MAGI2: variants seen among roughly 807,000 people sequenced by gnomAD.
MAGI2 encodes membrane associated guanylate kinase, WW and PDZ domain containing 2, also known as membrane-associated guanylate kinase, WW and PDZ domain-containing protein 2.
In MAGI2, 35 loss-of-function variants were observed where a neutral mutation model predicts 133.3. That is an observed-to-expected ratio of 0.26 (90% CI 0.20 to 0.35). The LOEUF (loss-of-function observed/expected upper bound fraction) is 0.35. Ranked by LOEUF, MAGI2 falls within the 10% of genes least tolerant of loss-of-function variation. The probability of loss-of-function intolerance (pLI) is 1.00; values close to 1 mark genes in which losing one functional copy is unlikely to be tolerated. For synonymous variants in MAGI2, 729 were observed against 710.6 expected (o/e 1.03, Z -0.41); for missense variants, 1,636 against 1,863.4 (o/e 0.88, Z 2.25).
Position 78,160,242 on chromosome 7 carries a change from T to C in MAGI2, c.2628A>G (p.Pro876=). Residue 876 remains proline (P), a synonymous_variant, in exon 16 of 22, where the codon CCA becomes CCG. Coordinates refer to ENST00000354212, the MANE Select transcript of MAGI2 (RefSeq NM_012301.4). ...GEPCPENGRS[P]GSVSTHHSSP... The stretch of plus-strand genomic sequence containing the variant: ...AGCTGTGGTGGGTGGATACAGAGCC[T>C]GGACTTCTCCCGTTCTCTGGGCAGG... The C allele has an allele frequency of 6.2e-7, 1 of 1,604,446 alleles. No homozygotes were observed. The highest frequency in any genetic ancestry group is 1.1e-5 in the South Asian group (1 of 88,706).
intron 2 of MAGI2, among the ~76,000 whole-genome samples, chr7:78,772,467 A>C (rs11974493): frequency 0.4 from 61,395 of 152,006 alleles, 12,821 homozygotes; most frequent in Non-Finnish European, 0.47. Flanking sequence ...ATAGAGGAAG[A>C]GCTGACATAG....
chr7:79,207,722 A>T (rs1223789557), intron 1 of MAGI2, among the ~76,000 whole-genome samples: 1 of 151,956 alleles, frequency 6.6e-6, no homozygotes, highest in Non-Finnish European at 1.5e-5. Context: ...AAAAGACTCC[A>T]AATAGCCAAA....
At chr7:78,317,224 G>T (rs1356862482) in intron 9 of MAGI2, among the ~76,000 whole-genome samples, 2 of 152,174 alleles carry the variant, frequency 1.3e-5, no homozygotes, top group Non-Finnish European at 2.9e-5. Context: ...TATTGAGTGA[G>T]AATTCATTTG....
intron 2 of MAGI2, among the ~76,000 whole-genome samples, chr7:78,853,023 G>C (rs778948590): frequency 8.5e-5 from 13 of 152,068 alleles, no homozygotes; most frequent in Admixed American, 3.9e-4. Flanking sequence ...ACATATTAGT[G>C]TCTGGGAATT....
chr7:78,933,323 AAC>A (rs1280018334), intron 2 of MAGI2, among the ~76,000 whole-genome samples: 2 of 152,160 alleles, frequency 1.3e-5, no homozygotes, highest in Non-Finnish European at 2.9e-5. Flanking sequence ...TAAATATAAA[AAC>A]AGTTTCTTTA....
At chr7:78,074,610 C>A (rs996573661) in intron 21 of MAGI2, among the ~76,000 whole-genome samples, 9 of 152,184 alleles carry the variant, frequency 5.9e-5, no homozygotes, top group Non-Finnish European at 1.0e-4. Context: ...TTTCCATTAG[C>A]ACTTTCTTTT....
intron 6 of MAGI2, among the ~76,000 whole-genome samples, chr7:78,461,909 T>C (rs1405434509): frequency 1.4e-4 from 3 of 21,138 alleles, no homozygotes; most frequent in African/African-American, 3.9e-4. Flanking sequence ...AAAGCAAAAT[T>C]CCGTCTCAAA....
chr7:78,099,342 A>C (rs1817997119), intron 20 of MAGI2, among the ~76,000 whole-genome samples: 1 of 152,164 alleles, frequency 6.6e-6, no homozygotes. Flanking sequence ...CTGAGTTATA[A>C]ATGATTAACT....
intron 1 of MAGI2, among the ~76,000 whole-genome samples, chr7:79,447,279 A>C (rs754190180): frequency 3.3e-5 from 5 of 152,142 alleles, no homozygotes; most frequent in Non-Finnish European, 7.4e-5. Flanking sequence ...TATATTACTA[A>C]GTTTTCTATA....
intron 7 of MAGI2, among the ~76,000 whole-genome samples, chr7:78,348,580 A>C (rs1791166649): frequency 6.6e-6 from 1 of 152,128 alleles, no homozygotes; most frequent in African/African-American, 2.4e-5. Context: ...GGTTCTCAGA[A>C]AACTTTGAAC....
At position 78,620,923 on chromosome 7, in the gene MAGI2, T is replaced by C. The variant is rs17151177; in HGVS notation, c.538+6197A>G. Among the ~76,000 whole-genome samples, 1,208 of 152,102 alleles carry C rather than the reference T, an allele frequency of 7.9e-3. 17 individuals are homozygous for C. Among genetic ancestry groups the C allele is most frequent in the African/African-American group, 0.027 (1,132 of 41,532 alleles). On this transcript the variant is annotated intron_variant, in intron 3 of 21. Coordinates refer to ENST00000354212, the MANE Select transcript of MAGI2 (RefSeq NM_012301.4). Reference sequence around the variant, plus strand: ...GGATTATCTCAGTAGGTGAATTAAATGAAATCAATCCAAGCACAGATCAGG... The same window carrying C: ...GGATTATCTCAGTAGGTGAATTAAACGAAATCAATCCAAGCACAGATCAGG...
At chr7:79,448,162 T>C (rs1194250270) in intron 1 of MAGI2, among the ~76,000 whole-genome samples, 1 of 151,930 alleles carries the variant, frequency 6.6e-6, no homozygotes, top group Non-Finnish European at 1.5e-5. Flanking sequence ...ATAAAATAAA[T>C]ATAAAATAGC....
chr7:79,369,211 A>G (rs1585732615), intron 1 of MAGI2, among the ~76,000 whole-genome samples: 1 of 152,158 alleles, frequency 6.6e-6, no homozygotes, highest in Non-Finnish European at 1.5e-5. Context: ...ACTTCTTATG[A>G]GGTCCCAGTG....
intron 2 of MAGI2, among the ~76,000 whole-genome samples, chr7:78,635,022 ATTAATTTC>A (rs1809477828): frequency 6.6e-6 from 1 of 152,230 alleles, no homozygotes; most frequent in Admixed American, 6.5e-5. Context: ...TCTTTTAGTA[ATTAATTTC>A]TTAAACAACA....
At chr7:78,194,835 A>T in intron 12 of MAGI2, 39 bp downstream of exon 12, 2 of 1,483,624 alleles carry the variant, frequency 1.3e-6, no homozygotes, top group Non-Finnish European at 1.8e-6. Context: ...GGCCTCAGCT[A>T]TTATTAATGT....
At chr7:79,049,993 G>A (rs191504540) in intron 1 of MAGI2, among the ~76,000 whole-genome samples, 76 of 152,184 alleles carry the variant, frequency 5.0e-4, no homozygotes, top group Non-Finnish European at 7.4e-5. Context: ...TGTGTTCGCT[G>A]GCTGTTACTC....
chr7:79,396,925 C>T (rs188781437), intron 1 of MAGI2, among the ~76,000 whole-genome samples: 1 of 151,996 alleles, frequency 6.6e-6, no homozygotes, highest in Admixed American at 6.6e-5. Flanking sequence ...TGAAATGCAT[C>T]TTAAAAATAA....
intron 6 of MAGI2, among the ~76,000 whole-genome samples, chr7:78,397,682 T>C (rs1176718079): frequency 1.3e-5 from 2 of 152,082 alleles, no homozygotes; most frequent in African/African-American, 4.8e-5. Context: ...TTTATGAACA[T>C]TTACAGACTT....
At chr7:78,849,908 T>C (rs1212825488) in intron 2 of MAGI2, among the ~76,000 whole-genome samples, 3 of 152,048 alleles carry the variant, frequency 2.0e-5, no homozygotes, top group Admixed American at 6.6e-5. Context: ...TATATAAAAA[T>C]TCAGCACTAA....
Sources: allele counts gnomAD v4.1 joint callset (sites outside exome capture counted in the v4.1 genomes callset), GRCh38; gene constraint gnomAD v4.1.1; transcripts MANE v1.5; gene names NCBI Gene and HGNC (gene_info 2026-07-23, HGNC 2026-07-21).